SETD1B: variants seen among roughly 807,000 people sequenced by gnomAD.
SETD1B encodes the protein histone-lysine N-methyltransferase SETD1B.
SETD1B carries 7 observed loss-of-function variants against 148.0 expected under a neutral mutation model. The observed-to-expected ratio is 0.05, with a 90% CI of 0.03 to 0.09. The LOEUF is 0.09. Ranked by LOEUF, SETD1B falls within the 10% of genes least tolerant of loss-of-function variation. The probability of loss-of-function intolerance (pLI) is 1.00; values close to 1 mark genes in which losing one functional copy is unlikely to be tolerated. For synonymous variants in SETD1B, 1,361 were observed against 1,186.5 expected, an observed-to-expected ratio of 1.15 and a Z score of -3.02; for missense variants, 2,155 against 2,729.9, an observed-to-expected ratio of 0.79 and a Z score of 4.69.
intron 13 of SETD1B, among the ~76,000 whole-genome samples, 152 bp from the exon 14 acceptor site, chr12:121,827,367 G>C (rs1876891155): frequency 6.6e-6 from 1 of 152,194 alleles, no homozygotes; most frequent in Admixed American, 6.5e-5. Flanking sequence ...GATGGAGGAG[G>C]CAGGGAAGCG....
upstream of SETD1B, chr12:121,799,720 GGGGGGGGGGGT>G (rs1875212214): frequency 7.9e-6 from 1 of 126,506 alleles, no homozygotes; most frequent in African/African-American, 2.9e-5. Context: ...TCGCAGCTGG[GGGGGGGGGGGT>G]GGGGTGGGGC....
chr12:121,790,621 C>CG, the SETD1B span, among the ~76,000 whole-genome samples: 2 of 152,312 alleles, frequency 1.3e-5, no homozygotes, highest in African/African-American at 4.8e-5. Context: ...TCCCTGGTCA[C>CG]GGGGGGATAC....
At chr12:121,797,176 A>G in the SETD1B span, 1 of 345,376 alleles carries the variant, frequency 2.9e-6, no homozygotes, top group African/African-American at 2.2e-5. Context: ...GCCCAGGCAG[A>G]GGCTGTGTCT....
In SETD1B at chr12:121,804,721, C is replaced by T; in HGVS notation, c.-14-3C>T. On this transcript the variant is annotated splice_polypyrimidine_tract_variant and splice_region_variant and intron_variant, in intron 1 of 16. Coordinates refer to ENST00000604567, the MANE Select transcript of SETD1B (RefSeq NM_001353345.2). The surrounding 1 kb of genome is among the most constrained non-coding windows in gnomAD (Gnocchi z 4.6). ...GAGACGACAACAACTTGCTGGTTTT[C>T]AGGTTGGGTTAACGGCATGGAGAAC... The T allele has an allele frequency of 3.2e-6, 5 of 1,547,520 alleles. No homozygotes were observed. The highest frequency in any genetic ancestry group is 4.4e-6 in the Non-Finnish European group (5 of 1,146,124).
At chr12:121,792,359 G>A in the SETD1B span, among the ~76,000 whole-genome samples, 518 of 152,358 alleles carry the variant, frequency 3.4e-3, 7 homozygotes, top group African/African-American at 0.012. Flanking sequence ...CCAGATGGGA[G>A]TCAGGGTCCT....
At chr12:121,802,475 A>T (rs567910189), upstream of SETD1B, 2 of 151,742 alleles carry the variant, frequency 1.3e-5, no homozygotes, top group South Asian at 2.1e-4. Flanking sequence ...AAAAGAGAGA[A>T]GGAGTTAATA....
chr12:121,821,626 C>T (rs1417120736), intron 11 of SETD1B, among the ~76,000 whole-genome samples: 1 of 151,638 alleles, frequency 6.6e-6, no homozygotes, highest in Admixed American at 6.6e-5. Flanking sequence ...TGGCACGTGC[C>T]TGTAATCCCA....
chr12:121,804,938 C>T lies in SETD1B; in HGVS notation c.174+27C>T, dbSNP rs1875650996. On this transcript the variant is annotated intron_variant, in intron 2 of 16. Transcript: ENST00000604567. This position sits in a 1 kb window ranked among gnomAD's most constrained non-coding sequence, Gnocchi z 4.6. ...TGAGTAGCCGGCGCGCCCCCCCAGC[C>T]GTGCCCCGCGTCGTGTCCGGGGAGA... The T allele has an allele frequency of 6.8e-7, 1 of 1,480,284 alleles. No individual in the cohort carries two copies. Among genetic ancestry groups the T allele is most frequent in the South Asian group, 1.4e-5 (1 of 72,768 alleles). 91.7% of individuals were successfully genotyped at this position (1,480,284 alleles called of 1,614,324 possible). A position where few individuals can be genotyped will look rare whatever the true frequency, so the allele number is the denominator to read the frequency against.
intron 13 of SETD1B, among the ~76,000 whole-genome samples, chr12:121,826,096 A>G (rs1228638369): frequency 6.6e-6 from 1 of 152,164 alleles, no homozygotes; most frequent in Non-Finnish European, 1.5e-5. Flanking sequence ...AAAAAAATTG[A>G]GACGGGGTCT....
At chr12:121,800,999 C>A (rs1220901508), upstream of SETD1B, 1 of 152,142 alleles carries the variant, frequency 6.6e-6, no homozygotes, top group African/African-American at 2.4e-5. Context: ...CCGCGACGGG[C>A]TCGAAGCCTG....
chr12:121,807,831 C>A (rs1875824047), intron 4 of SETD1B, among the ~76,000 whole-genome samples: 1 of 151,050 alleles, frequency 6.6e-6, no homozygotes, highest in South Asian at 2.1e-4. Flanking sequence ...CTTCCTCTTA[C>A]TGCAAGCCCC....
chr12:121,824,067 C>T (rs1222768844), intron 12 of SETD1B, among the ~76,000 whole-genome samples: 1 of 152,232 alleles, frequency 6.6e-6, no homozygotes, highest in Non-Finnish European at 1.5e-5. Context: ...TGTCCTGTCC[C>T]CTTCATAACC....
rs373388090 is a variant in SETD1B at position 121,819,745 on chromosome 12, C to G, written c.3760C>G (p.Pro1254Ala). The G allele has an allele frequency of 1.8e-5, 28 of 1,551,324 alleles. No individual in the cohort carries two copies. Among genetic ancestry groups the G allele is most frequent in the Non-Finnish European group, 2.4e-5 (27 of 1,146,964 alleles). Residue 1254 changes from proline (P) to alanine (A), a missense_variant, in exon 11 of 17, where the codon CCC becomes GCC. Pro to Ala is a conservative substitution (Grantham distance 27). This residue lies in a region of SETD1B where 862 missense variants were observed against 873.8 expected (regional missense o/e 0.99). Coordinates refer to ENST00000604567, the MANE Select transcript of SETD1B (RefSeq NM_001353345.2). Reference sequence around the variant, plus strand: ...GCGGCCCTCCATGCTGGACGAGCCCCCCTTGCCTGTGGGTGTTGAAGAGCC... The same window carrying G: ...GCGGCCCTCCATGCTGGACGAGCCCGCCTTGCCTGTGGGTGTTGAAGAGCC... ...EERPSMLDEP[P>A]LPVGVEEPAD...
rs1305358152 is a variant in SETD1B at position 121,814,690 on chromosome 12, C to T, written c.2475C>T (p.Asn825=). 1.3e-6 allele frequency: 2 copies of T among 1,550,342 alleles called. No individual in the cohort carries two copies. The highest frequency in any genetic ancestry group is 8.7e-7 in the Non-Finnish European group (1 of 1,146,928). ...ACCGGGGCCCCTTCTCCCTGAGCAA[C>T]TCCGGCCCAGGCCGCGGGCAGCACT... is the stretch of plus-strand genomic sequence containing the variant. ...PPYRGPFSLS[N]SGPGRGQHWP... The change falls in exon 7 of 17, where the codon AAC becomes AAT. Residue 825 remains asparagine (N), a synonymous_variant. Transcript: ENST00000604567.
chr12:121,796,730 A>C, the SETD1B span, among the ~76,000 whole-genome samples: 1 of 152,206 alleles, frequency 6.6e-6, no homozygotes, highest in East Asian at 1.9e-4. Context: ...CAAAAGCCAG[A>C]CTCAGCAACA....
At chr12:121,824,865 A>G (rs974105521) in intron 12 of SETD1B, among the ~76,000 whole-genome samples, 1 of 151,268 alleles carries the variant, frequency 6.6e-6, no homozygotes, top group Admixed American at 6.6e-5. Context: ...AAATCCAGAA[A>G]TTAGTTGGGT....
intron 11 of SETD1B, 81 bp from the exon 12 acceptor site, chr12:121,822,409 C>T: frequency 6.9e-7 from 1 of 1,452,952 alleles, no homozygotes; most frequent in Non-Finnish European, 9.2e-7. Flanking sequence ...GTGAGCCTGC[C>T]AGGTATGGAG....
chr12:121,804,683 C>T lies in SETD1B; in HGVS notation c.-14-41C>T, dbSNP rs1875627562. ...GCGTGTGTGTAGAAGCGGCCGCCGCCGCCGCCGCGGCGGAGACGACAACAA... is the reference window on the plus strand; with the variant it reads ...GCGTGTGTGTAGAAGCGGCCGCCGCTGCCGCCGCGGCGGAGACGACAACAA... On this transcript the variant is annotated intron_variant, in intron 1 of 16. Transcript: ENST00000604567. This position sits in a 1 kb window ranked among gnomAD's most constrained non-coding sequence, Gnocchi z 4.6. 15 of 1,526,612 alleles carry T rather than the reference C, an allele frequency of 9.8e-6. No homozygotes were observed. Among genetic ancestry groups the T allele is most frequent in the South Asian group, 8.5e-5 (7 of 82,532 alleles). 94.6% of individuals were successfully genotyped at this position (1,526,612 alleles called of 1,614,324 possible).
At chr12:121,794,782 C>G in the SETD1B span, among the ~76,000 whole-genome samples, 1 of 9,022 alleles carries the variant, frequency 1.1e-4, no homozygotes, top group African/African-American at 1.7e-4. Flanking sequence ...GCAGAGGGAC[C>G]CCCCCCTGGA....
Sources: gnomAD v4.1 joint callset for allele counts (sites outside exome capture counted in the v4.1 genomes callset) on GRCh38, gnomAD v4.1.1 for gene constraint, gnomAD v4.1.1 regional missense constraint, Gnocchi (gnomAD v3.1) non-coding constraint, MANE v1.5 for transcripts, NCBI Gene and HGNC (gene_info 2026-07-23, HGNC 2026-07-21) for gene names.